Variants in RIPK1 observed in about 807,000 individuals in gnomAD.
RIPK1 encodes receptor interacting serine/threonine kinase 1, also known as receptor-interacting serine/threonine-protein kinase 1.
A neutral mutation model predicts 62.4 loss-of-function variants in RIPK1; 27 were observed. That is an observed-to-expected ratio of 0.43 (90% CI 0.32 to 0.60). The LOEUF is 0.60. Ranked by LOEUF, RIPK1 falls within the 20% of genes least tolerant of loss-of-function variation. RIPK1 has a pLI of 0.07. For missense variants in RIPK1, 735 were observed against 831.0 expected (o/e 0.88, Z 1.42); for synonymous variants, 287 against 303.2 (o/e 0.95, Z 0.55).
At chr6:3,065,626 C>G (rs1179366123), upstream of RIPK1, among the ~76,000 whole-genome samples, 1 of 151,822 alleles carries the variant, frequency 6.6e-6, no homozygotes, top group Non-Finnish European at 1.5e-5. Context: ...GCACTGGGAA[C>G]TGCAGCCTGG....
intron 2 of RIPK1, 82 bp downstream of exon 2, chr6:3,077,069 G>A: frequency 7.3e-7 from 1 of 1,364,128 alleles, no homozygotes; most frequent in Non-Finnish European, 1.0e-6. Context: ...GGCTGCTGCG[G>A]AGCCGTTGGT....
upstream of RIPK1, among the ~76,000 whole-genome samples, chr6:3,067,866 C>A (rs930892903): frequency 6.6e-6 from 1 of 152,032 alleles, no homozygotes; most frequent in South Asian, 2.1e-4. Flanking sequence ...CCTCAGCCTC[C>A]CGAGTAGCTG....
At chr6:3,064,592 G>T (rs986240975), upstream of RIPK1, among the ~76,000 whole-genome samples, 1 of 152,196 alleles carries the variant, frequency 6.6e-6, no homozygotes, top group Non-Finnish European at 1.5e-5. Context: ...CCTGCGGTCT[G>T]TGGGACCCGC....
chr6:3,113,105 G>C lies in RIPK1; in HGVS notation c.1782G>C (p.Leu594=), dbSNP rs138400267. Residue 594 remains leucine, a synonymous_variant, in exon 11 of 11, where the codon CTG becomes CTC. Coordinates refer to ENST00000259808, the MANE Select transcript of RIPK1 (RefSeq NM_001354930.2). The surrounding 1 kb of genome is among the most constrained non-coding windows in gnomAD (Gnocchi z 5.0). The part of the protein sequence containing the change: ...DKHLDPIREN[L]GKHWKNCARK... ...ACCTGGACCCAATCAGGGAAAATCTGGGAAAGCACTGGAAAAACTGTGCCC... is the reference window on the plus strand; with the variant it reads ...ACCTGGACCCAATCAGGGAAAATCTCGGAAAGCACTGGAAAAACTGTGCCC... 1.0e-4 allele frequency: 166 copies of C among 1,602,144 alleles called. No individual in the cohort carries two copies. The highest frequency in any genetic ancestry group is 1.4e-4 in the Non-Finnish European group (160 of 1,172,040).
upstream of RIPK1, among the ~76,000 whole-genome samples, chr6:3,064,308 C>T (rs1758283874): frequency 6.6e-6 from 1 of 152,186 alleles, no homozygotes; most frequent in Admixed American, 6.5e-5. Flanking sequence ...CCTCGCTGCC[C>T]TTCCCTGGCC....
chr6:3,083,094 C>G lies in RIPK1; in HGVS notation c.469C>G (p.Leu157Val). 1 of 1,613,968 alleles carries G rather than the reference C, an allele frequency of 6.2e-7. No homozygotes were observed. Among genetic ancestry groups the G allele is most frequent in the South Asian group, 1.1e-5 (1 of 91,070 alleles). ...DNDFHIKIAD[L>V]GLASFKMWSK... ...TCAATGTCTTTCGCAGATCGCAGAC[C>G]TCGGCCTTGCCTCCTTTAAGATGTG... Residue 157 changes from leucine (L) to valine (V), a missense_variant, in exon 5 of 11, where the codon CTC becomes GTC. By Grantham distance (32) the Leu-to-Val change is conservative (BLOSUM62 1). Coordinates refer to ENST00000259808, the MANE Select transcript of RIPK1 (RefSeq NM_001354930.2).
At chr6:3,099,148 T>G (rs2113672682) in intron 7 of RIPK1, among the ~76,000 whole-genome samples, 1 of 152,314 alleles carries the variant, frequency 6.6e-6, no homozygotes, top group East Asian at 1.9e-4. Flanking sequence ...AGAAAAAGAT[T>G]ATTGTATATG....
At chr6:3,101,077 A>G (rs898320799) in intron 7 of RIPK1, among the ~76,000 whole-genome samples, 3 of 152,104 alleles carry the variant, frequency 2.0e-5, no homozygotes, top group African/African-American at 7.2e-5. Context: ...TCTTGAGGCC[A>G]GTTCAAAACC....
chr6:3,096,233 A>C (rs994875359), intron 7 of RIPK1, among the ~76,000 whole-genome samples: 1 of 152,226 alleles, frequency 6.6e-6, no homozygotes, highest in Non-Finnish European at 1.5e-5. Flanking sequence ...TAGTAGAGCA[A>C]GAAAAAGAAA....
chr6:3,105,756 G>A lies in RIPK1; in HGVS notation c.1281G>A (p.Glu427=). Residue 427 remains glutamate, a synonymous_variant, in exon 9 of 11, where the codon GAG becomes GAA. Coordinates refer to ENST00000259808, the MANE Select transcript of RIPK1 (RefSeq NM_001354930.2). The surrounding 1 kb of genome is among the most constrained non-coding windows in gnomAD (Gnocchi z 4.5). ...CTTTTGCACAGCAAAGACCTTACGA[G>A]AATTTTCAGAATACAGAGGGAAAAG... ...HDPFAQQRPY[E]NFQNTEGKGT... is the part of the protein sequence containing the mutation. 6.2e-7 allele frequency: 1 copy of A among 1,614,228 alleles called. No individual in the cohort carries two copies. The highest frequency in any genetic ancestry group is 8.5e-7 in the Non-Finnish European group (1 of 1,180,050).
chr6:3,080,745 A>C (rs927209671), intron 3 of RIPK1, among the ~76,000 whole-genome samples: 1 of 152,074 alleles, frequency 6.6e-6, no homozygotes, highest in Non-Finnish European at 1.5e-5. Context: ...GCATTACCAA[A>C]TTATTGTGGG....
intron 9 of RIPK1, among the ~76,000 whole-genome samples, chr6:3,107,769 C>T (rs1234925836): frequency 2.0e-5 from 3 of 151,902 alleles, no homozygotes; most frequent in Non-Finnish European, 2.9e-5. Flanking sequence ...CAAATACACC[C>T]GTTTAGTGCC....
rs564018667 is a variant in RIPK1 at position 3,114,915 on chromosome 6, T to A, written c.*1576T>A. Reference sequence around the variant, plus strand: ...TTGCCCCGGTTGAGAAGAGCACTGCTGTAAAGTAATGAGCCTCGGCTCTCC... The same window carrying A: ...TTGCCCCGGTTGAGAAGAGCACTGCAGTAAAGTAATGAGCCTCGGCTCTCC... On this transcript the variant is annotated 3_prime_UTR_variant, in exon 11 of 11. Coordinates refer to ENST00000259808, the MANE Select transcript of RIPK1 (RefSeq NM_001354930.2). The surrounding 1 kb of genome is among the most constrained non-coding windows in gnomAD (Gnocchi z 5.0). The A allele has an allele frequency of 2.0e-5, 3 of 151,734 alleles. No homozygotes were observed. Among genetic ancestry groups the A allele is most frequent in the African/African-American group, 7.3e-5 (3 of 41,320 alleles). The allele number at this position is 151,734 out of a possible 1,614,324, so 9.4% of individuals were successfully genotyped here.
chr6:3,081,464 T>G (rs574182936), intron 4 of RIPK1, among the ~76,000 whole-genome samples: 1 of 152,306 alleles, frequency 6.6e-6, no homozygotes, highest in African/African-American at 2.4e-5. Context: ...GGTGTCATAA[T>G]GTTCTCCAGG....
chr6:3,097,728 TAAATTTTAAAATTTATA>T (rs1246957566), intron 7 of RIPK1, among the ~76,000 whole-genome samples: 1 of 152,178 alleles, frequency 6.6e-6, no homozygotes, highest in African/African-American at 2.4e-5. Context: ...TAAGAACTGA[TAAATTTTAAAATTTATA>T]AAATTTTAAA....
chr6:3,113,065 G>A lies in RIPK1; in HGVS notation c.1742G>A (p.Ser581Asn). Residue 581 changes from serine (S) to asparagine (N), a missense_variant, in exon 11 of 11, where the codon AGT (serine) becomes AAT (asparagine). By Grantham distance (46) the Ser-to-Asn change is conservative. Coordinates refer to ENST00000259808, the MANE Select transcript of RIPK1 (RefSeq NM_001354930.2). The surrounding 1 kb of genome is among the most constrained non-coding windows in gnomAD (Gnocchi z 5.0). ...TCCCATTTGGCAGATAATACCACTA[G>A]TCTGACGGATAAACACCTGGACCCA... The part of the protein sequence containing the change: ...KYQAIFDNTT[S>N]LTDKHLDPIR... The A allele has an allele frequency of 6.4e-7, 1 of 1,562,954 alleles. No homozygotes were observed. The highest frequency in any genetic ancestry group is 1.2e-5 in the South Asian group (1 of 83,210).
At chr6:3,101,055 G>A (rs933951341) in intron 7 of RIPK1, among the ~76,000 whole-genome samples, 9 of 152,208 alleles carry the variant, frequency 5.9e-5, no homozygotes, top group African/African-American at 2.2e-4. Context: ...GGGAGGCTGA[G>A]GTGGGTGGAT....
upstream of RIPK1, among the ~76,000 whole-genome samples, chr6:3,064,521 C>T (rs1271123314): frequency 2.6e-5 from 4 of 152,326 alleles, no homozygotes; most frequent in East Asian, 7.7e-4. Flanking sequence ...CCTTCCTTCC[C>T]CGGAGCACTC....
At chr6:3,070,899 G>C (rs1380311374) in intron 1 of RIPK1, among the ~76,000 whole-genome samples, 1 of 152,204 alleles carries the variant, frequency 6.6e-6, no homozygotes, top group Non-Finnish European at 1.5e-5. Flanking sequence ...AGCCAATAGT[G>C]AAAGTTTGAA....
Sources: gnomAD v4.1 joint callset for allele counts (sites outside exome capture counted in the v4.1 genomes callset) on GRCh38, gnomAD v4.1.1 for gene constraint, Gnocchi (gnomAD v3.1) non-coding constraint, MANE v1.5 for transcripts, NCBI Gene and HGNC (gene_info 2026-07-23, HGNC 2026-07-21) for gene names.